FOXP2: variants seen among roughly 807,000 people sequenced by gnomAD.
FOXP2 encodes forkhead box P2, also known as forkhead box protein P2.
Under a neutral mutation model 115.8 loss-of-function variants are expected in FOXP2, and 12 were observed. The observed-to-expected ratio is 0.10, with a 90% CI of 0.07 to 0.17. FOXP2 has a LOEUF of 0.17. FOXP2 is among the 10% of genes least tolerant of loss of function. The pLI is 1.00. For missense variants in FOXP2, 629 were observed against 843.5 expected, an observed-to-expected ratio of 0.75 and a Z score of 3.15; for synonymous variants, 328 against 297.7, an observed-to-expected ratio of 1.10 and a Z score of -1.05.
intron 1 of FOXP2, among the ~76,000 whole-genome samples, chr7:114,115,662 C>CT (rs2129142853): frequency 6.6e-6 from 1 of 152,226 alleles, no homozygotes; most frequent in South Asian, 2.1e-4. Flanking sequence ...TCGTGGAACT[C>CT]TTTTTTAACC....
chr7:114,444,855 C>G (rs1794762119), intron 2 of FOXP2, among the ~76,000 whole-genome samples: 1 of 152,032 alleles, frequency 6.6e-6, no homozygotes, highest in African/African-American at 2.4e-5. Flanking sequence ...TGGGAAAACT[C>G]TTAATAGTGG....
At chr7:114,572,757 G>A (rs1801382330) in intron 3 of FOXP2, among the ~76,000 whole-genome samples, 1 of 151,736 alleles carries the variant, frequency 6.6e-6, no homozygotes, top group South Asian at 2.1e-4. Context: ...ACAAATCTCT[G>A]TTCTACTGAT....
At chr7:114,394,796 A>G (rs1792699154) in intron 2 of FOXP2, among the ~76,000 whole-genome samples, 1 of 152,200 alleles carries the variant, frequency 6.6e-6, no homozygotes, top group African/African-American at 2.4e-5. Context: ...AATCAAAGAA[A>G]GACTGAAGGA....
intron 1 of FOXP2, among the ~76,000 whole-genome samples, chr7:114,143,935 G>A (rs1183514723): frequency 2.0e-5 from 3 of 151,742 alleles, no homozygotes; most frequent in African/African-American, 7.3e-5. Flanking sequence ...GACTTATGAT[G>A]GTTTGACTTA....
chr7:114,113,555 A>G (rs1791328753), intron 1 of FOXP2, among the ~76,000 whole-genome samples: 1 of 151,990 alleles, frequency 6.6e-6, no homozygotes, highest in Admixed American at 6.6e-5. Flanking sequence ...AATTTTTTGT[A>G]GGGACGGCCT....
intron 3 of FOXP2, among the ~76,000 whole-genome samples, chr7:114,623,036 T>TTAG (rs1804338759): frequency 6.6e-6 from 1 of 151,970 alleles, no homozygotes; most frequent in Admixed American, 6.6e-5. Flanking sequence ...CACTCAAGTA[T>TTAG]TCTAATTCTA....
rs375952757 is a variant in FOXP2, at chr7:114,377,729, C to A, written c.-10-48773C>A. ...GCTTTCTTCACATATTTTCTTGTAC[C>A]CTTTTGAAACATTCTCTTCACTGAA... is the stretch of plus-strand genomic sequence containing the variant. On this transcript the variant is annotated intron_variant, in intron 2 of 17. Coordinates refer to the FOXP2 transcript ENST00000634411. 5.9e-5 allele frequency among the ~76,000 whole-genome samples: 9 copies of A among 152,024 alleles called. No homozygotes were observed. In the East Asian group the frequency reaches 1.5e-3, roughly 26 times the overall value.
intron 2 of FOXP2, among the ~76,000 whole-genome samples, chr7:114,461,955 GT>G (rs1795576780): frequency 6.6e-6 from 1 of 152,022 alleles, no homozygotes; most frequent in Non-Finnish European, 1.5e-5. Flanking sequence ...GTTAGCTCTG[GT>G]TTCTATTTGT....
chr7:114,174,951 T>A (rs987795907), intron 1 of FOXP2, among the ~76,000 whole-genome samples: 2 of 152,082 alleles, frequency 1.3e-5, no homozygotes, highest in African/African-American at 4.8e-5. Context: ...TGCCTAAATA[T>A]CTTATCTGAA....
chr7:114,428,498 G>A (rs1441779405), intron 2 of FOXP2, among the ~76,000 whole-genome samples: 1 of 151,492 alleles, frequency 6.6e-6, no homozygotes, highest in East Asian at 1.9e-4. Flanking sequence ...TGTATTGTAT[G>A]TCTGTAGAGT....
chr7:114,188,179 TA>T (rs1793663007), intron 1 of FOXP2, among the ~76,000 whole-genome samples: 1 of 152,300 alleles, frequency 6.6e-6, no homozygotes, highest in Admixed American at 6.5e-5. Context: ...ACTAAAAGTG[TA>T]AATTGGATCA....
At chr7:114,679,927 T>C (rs931050873) in intron 16 of FOXP2, among the ~76,000 whole-genome samples, 6 of 152,178 alleles carry the variant, frequency 3.9e-5, no homozygotes, top group African/African-American at 1.4e-4. Context: ...AACTTGATGA[T>C]AACAGGAACC....
chr7:114,573,514 C>T (rs1469487185), intron 3 of FOXP2, among the ~76,000 whole-genome samples: 1 of 151,706 alleles, frequency 6.6e-6, no homozygotes, highest in Non-Finnish European at 1.5e-5. Context: ...CATATGTTTT[C>T]ATCACTATGT....
chr7:114,166,888 T>C (rs1028224805), intron 1 of FOXP2, among the ~76,000 whole-genome samples: 3 of 152,164 alleles, frequency 2.0e-5, no homozygotes, highest in Admixed American at 1.3e-4. Context: ...TACAGACTTA[T>C]TAGAATGGCA....
chr7:114,226,685 T>G (rs1794756200), intron 1 of FOXP2, among the ~76,000 whole-genome samples: 1 of 152,140 alleles, frequency 6.6e-6, no homozygotes, highest in Non-Finnish European at 1.5e-5. Context: ...AGTTTCCCAT[T>G]TTATTATCTC....
At chr7:114,266,839 C>T (rs1795906926) in intron 1 of FOXP2, among the ~76,000 whole-genome samples, 1 of 152,146 alleles carries the variant, frequency 6.6e-6, no homozygotes, top group Admixed American at 6.5e-5. Flanking sequence ...AAATTGTTCA[C>T]TTGTTCAGCT....
intron 2 of FOXP2, among the ~76,000 whole-genome samples, chr7:114,310,094 C>A (rs1009216233): frequency 2.0e-5 from 3 of 152,190 alleles, no homozygotes; most frequent in African/African-American, 4.8e-5. Context: ...TTACTGCTAC[C>A]TTGAGTTATG....
chr7:114,494,163 C>T (rs940276186), intron 2 of FOXP2, among the ~76,000 whole-genome samples: 2 of 151,946 alleles, frequency 1.3e-5, no homozygotes, highest in African/African-American at 2.4e-5. Flanking sequence ...AAGTTTAAGA[C>T]ATTTTGCCCA....
At chr7:114,302,246 C>A (rs1387323328) in intron 2 of FOXP2, among the ~76,000 whole-genome samples, 1 of 152,074 alleles carries the variant, frequency 6.6e-6, no homozygotes, top group East Asian at 1.9e-4. Flanking sequence ...CACACATGTG[C>A]AAATATGATT....
Sources: gnomAD v4.1 joint callset for allele counts (sites outside exome capture counted in the v4.1 genomes callset) on GRCh38, gnomAD v4.1.1 for gene constraint, MANE v1.5 for transcripts, NCBI Gene and HGNC (gene_info 2026-07-23, HGNC 2026-07-21) for gene names.